ADAMTSL1: variants seen among roughly 807,000 people sequenced by gnomAD.
The protein encoded by ADAMTSL1 is ADAMTS like 1.
Under a neutral mutation model 201.8 loss-of-function variants are expected in ADAMTSL1, and 126 were observed. The ratio of observed to expected loss-of-function variants is 0.62; its 90% CI spans 0.54 to 0.72. ADAMTSL1 has a LOEUF of 0.72. Ranked by LOEUF, ADAMTSL1 falls within the 30% of genes least tolerant of loss-of-function variation. The pLI is 0.00. For missense variants in ADAMTSL1, 2,679 were observed against 2,277.8 expected (o/e 1.18, Z -3.59); for synonymous variants, 1,121 against 903.4 (o/e 1.24, Z -4.32).
intron 15 of ADAMTSL1, among the ~76,000 whole-genome samples, chr9:18,729,968 G>A (rs1818118201): frequency 6.6e-6 from 1 of 152,186 alleles, no homozygotes; most frequent in Admixed American, 6.5e-5. Flanking sequence ...GAGTTTTATA[G>A]TTCAAAACCT....
chr9:18,542,295 G>C (rs1399927608), intron 3 of ADAMTSL1, among the ~76,000 whole-genome samples: 1 of 152,128 alleles, frequency 6.6e-6, no homozygotes, highest in African/African-American at 2.4e-5. Context: ...GAGTTCTGCT[G>C]AGGATTATGT....
At chr9:17,976,492 A>G (rs956727252) in intron 1 of ADAMTSL1, among the ~76,000 whole-genome samples, 1 of 151,976 alleles carries the variant, frequency 6.6e-6, no homozygotes, top group Non-Finnish European at 1.5e-5. Flanking sequence ...ATACAATTGT[A>G]CATGGGATTG....
At chr9:18,631,379 T>A (rs1206090397) in intron 5 of ADAMTSL1, among the ~76,000 whole-genome samples, 1 of 152,188 alleles carries the variant, frequency 6.6e-6, no homozygotes, top group Admixed American at 6.5e-5. Flanking sequence ...TTGGATATAT[T>A]TTAAGAGTAA....
chr9:18,537,172 C>G (rs917215551), intron 3 of ADAMTSL1, among the ~76,000 whole-genome samples: 1 of 152,152 alleles, frequency 6.6e-6, no homozygotes, highest in Non-Finnish European at 1.5e-5. Context: ...TCTCCTGAAC[C>G]TTTCATTCTA....
intron 2 of ADAMTSL1, among the ~76,000 whole-genome samples, chr9:18,262,566 G>C (rs1191832263): frequency 6.6e-6 from 1 of 152,132 alleles, no homozygotes. Flanking sequence ...TGAAATATGG[G>C]AGCTTCTTGC....
chr9:17,943,322 T>G (rs1827318782), intron 1 of ADAMTSL1, among the ~76,000 whole-genome samples: 1 of 152,122 alleles, frequency 6.6e-6, no homozygotes, highest in Non-Finnish European at 1.5e-5. Flanking sequence ...ATTAACATAT[T>G]ATGGCTGAGC....
At chr9:18,381,641 C>T (rs1240569272) in intron 2 of ADAMTSL1, among the ~76,000 whole-genome samples, 1 of 151,928 alleles carries the variant, frequency 6.6e-6, no homozygotes, top group Non-Finnish European at 1.5e-5. Flanking sequence ...GGAGACGGTT[C>T]CTTTAATGAA....
At chr9:18,217,807 G>T (rs1023860225) in intron 2 of ADAMTSL1, among the ~76,000 whole-genome samples, 1 of 151,982 alleles carries the variant, frequency 6.6e-6, no homozygotes, top group African/African-American at 2.4e-5. Flanking sequence ...TGGCTGAATT[G>T]TTCACCACAG....
chr9:18,271,817 C>T (rs900934566), intron 2 of ADAMTSL1, among the ~76,000 whole-genome samples: 11 of 152,158 alleles, frequency 7.2e-5, no homozygotes, highest in African/African-American at 2.4e-4. Flanking sequence ...TCCTATTTCT[C>T]CACATCCTCT....
At chr9:17,984,946 C>G (rs1377996852) in intron 1 of ADAMTSL1, among the ~76,000 whole-genome samples, 1 of 152,118 alleles carries the variant, frequency 6.6e-6, no homozygotes, top group Non-Finnish European at 1.5e-5. Flanking sequence ...AATATCATAT[C>G]TAATCATAGT....
chr9:18,207,691 C>T (rs773647936), intron 2 of ADAMTSL1, among the ~76,000 whole-genome samples: 8 of 152,136 alleles, frequency 5.3e-5, no homozygotes, highest in African/African-American at 1.9e-4. Context: ...TAACTTTCGA[C>T]GTGGCCTCAT....
chr9:18,608,179 G>A (rs1003774374), intron 4 of ADAMTSL1, among the ~76,000 whole-genome samples: 1 of 152,168 alleles, frequency 6.6e-6, no homozygotes, highest in African/African-American at 2.4e-5. Context: ...GTACTTTTAA[G>A]GGGATTTGAA....
chr9:18,775,831 C>G lies in ADAMTSL1; in HGVS notation c.2486C>G (p.Ser829Cys). Residue 829 changes from serine (S) to cysteine (C), a missense_variant, in exon 18 of 29, where the codon TCC becomes TGC. By Grantham distance (112) the Ser-to-Cys change is moderately radical (BLOSUM62 -1). Coordinates refer to ENST00000380548, the MANE Select transcript of ADAMTSL1 (RefSeq NM_001040272.6). ...LKTGLSTVVN[S>C]TLCPPLPFSS... ...ACCGGCCTCTCAACGGTTGTCAATT[C>G]CACCCTGTGCCCGCCCCTGCCTTTC... 1 of 1,607,196 alleles carries G rather than the reference C, an allele frequency of 6.2e-7. No homozygotes were observed. Among genetic ancestry groups the G allele is most frequent in the Non-Finnish European group, 8.5e-7 (1 of 1,176,594 alleles).
At chr9:17,984,487 T>G (rs2131475923) in intron 1 of ADAMTSL1, among the ~76,000 whole-genome samples, 1 of 152,278 alleles carries the variant, frequency 6.6e-6, no homozygotes, top group African/African-American at 2.4e-5. Context: ...TTGTATTGTA[T>G]CCCATTATAG....
intron 2 of ADAMTSL1, among the ~76,000 whole-genome samples, chr9:18,370,721 C>T (rs1325481354): frequency 6.9e-6 from 1 of 144,524 alleles, no homozygotes; most frequent in African/African-American, 2.6e-5. Context: ...AGAAAGAAAG[C>T]ACAGCTCTTT....
At chr9:18,748,979 T>A (rs905895386) in intron 15 of ADAMTSL1, among the ~76,000 whole-genome samples, 1 of 152,192 alleles carries the variant, frequency 6.6e-6, no homozygotes, top group East Asian at 1.9e-4. Flanking sequence ...CGGCATTCCT[T>A]GGCTTGTAGA....
chr9:18,656,473 C>CA (rs1828671765), intron 7 of ADAMTSL1, among the ~76,000 whole-genome samples: 2 of 151,664 alleles, frequency 1.3e-5, no homozygotes, highest in East Asian at 1.9e-4. Context: ...ACTAAAAATA[C>CA]AAAAAATTAG....
At chr9:18,223,273 G>A (rs1190544255) in intron 2 of ADAMTSL1, among the ~76,000 whole-genome samples, 2 of 151,988 alleles carry the variant, frequency 1.3e-5, no homozygotes, top group African/African-American at 2.4e-5. Flanking sequence ...AGATTTGGGG[G>A]TTTCAGATTT....
chr9:18,571,267 A>G (rs58504170), intron 3 of ADAMTSL1, among the ~76,000 whole-genome samples: 1,651 of 152,310 alleles, frequency 0.011, 18 homozygotes, highest in East Asian at 0.046. Flanking sequence ...GAGGTCTCTT[A>G]ATTATATCTT....
Sources: allele counts gnomAD v4.1 joint callset (sites outside exome capture counted in the v4.1 genomes callset), GRCh38; gene constraint gnomAD v4.1.1; transcripts MANE v1.5; gene names NCBI Gene and HGNC (gene_info 2026-07-23, HGNC 2026-07-21).